Variants in KIFAP3 observed in about 807,000 individuals in gnomAD.
KIFAP3 encodes kinesin associated protein 3.
KIFAP3 carries 68 observed loss-of-function variants against 106.5 expected under a neutral mutation model. The ratio of observed to expected loss-of-function variants is 0.64; its 90% CI spans 0.53 to 0.78. KIFAP3 has a LOEUF of 0.78. Ranked by LOEUF, KIFAP3 falls within the 30% of genes least tolerant of loss-of-function variation. The pLI is 0.00. For missense variants in KIFAP3, 780 were observed against 941.8 expected (o/e 0.83, Z 2.25); for synonymous variants, 320 against 311.5 (o/e 1.03, Z -0.29).
rs146039548 is a variant in KIFAP3, at chr1:170,031,749, G to C, written c.841+137C>G. On this transcript the variant is annotated intron_variant, in intron 8 of 19. Coordinates refer to ENST00000361580, the MANE Select transcript of KIFAP3 (RefSeq NM_014970.4). ...AACATTACCCATGCTAAAGACAGAC[G>C]AACTTGTAGCATATTAACATTTATA... is the stretch of plus-strand genomic sequence containing the variant. 438 of 571,048 alleles carry C rather than the reference G, an allele frequency of 7.7e-4. 6 individuals are homozygous for C. The Admixed American group carries it at 0.011, about 14-fold the overall frequency. The allele number at this position is 571,048 out of a possible 1,614,324, so 35.4% of individuals were successfully genotyped here.
intron 18 of KIFAP3, among the ~76,000 whole-genome samples, chr1:169,959,430 C>T (rs181215472): frequency 6.6e-6 from 1 of 152,144 alleles, no homozygotes; most frequent in Admixed American, 6.6e-5. Flanking sequence ...ATCATATCAT[C>T]AGGCTATAGA....
In KIFAP3 at chr1:170,049,303, A is replaced by C. The variant is rs115078673; in HGVS notation, c.165-2437T>G. 8.1e-3 allele frequency among the ~76,000 whole-genome samples: 1,234 copies of C among 152,320 alleles called. 22 individuals are homozygous for C. The highest frequency in any genetic ancestry group is 0.027 in the African/African-American group (1,130 of 41,564). On this transcript the variant is annotated intron_variant, in intron 2 of 19. Coordinates refer to ENST00000361580, the MANE Select transcript of KIFAP3 (RefSeq NM_014970.4). ...TCCTCACTGGGCAGGGCATCTAAGA[A>C]GGAAATGCAGCAGCCTTAGGGGCTT... is the stretch of plus-strand genomic sequence containing the variant.
chr1:169,928,245 G>A (rs1215774795), intron 19 of KIFAP3, among the ~76,000 whole-genome samples: 1 of 151,882 alleles, frequency 6.6e-6, no homozygotes, highest in Non-Finnish European at 1.5e-5. Context: ...GATTACAGGT[G>A]TGTGCCACCA....
intron 19 of KIFAP3, among the ~76,000 whole-genome samples, chr1:169,929,254 A>G (rs1030818407): frequency 1.3e-5 from 2 of 152,230 alleles, no homozygotes; most frequent in Non-Finnish European, 2.9e-5. Flanking sequence ...TGATTATGAA[A>G]TAATTTACAG....
intron 11 of KIFAP3, among the ~76,000 whole-genome samples, chr1:169,991,810 TAAA>T (rs1302637598): frequency 6.6e-6 from 1 of 152,104 alleles, no homozygotes; most frequent in Non-Finnish European, 1.5e-5. Flanking sequence ...ATTATACAAT[TAAA>T]AATAATTTTT....
chr1:169,951,718 G>A (rs954166253), intron 19 of KIFAP3, among the ~76,000 whole-genome samples: 1 of 151,716 alleles, frequency 6.6e-6, no homozygotes, highest in African/African-American at 2.4e-5. Context: ...AAAATGTTTA[G>A]TTTTTTAAAA....
intron 10 of KIFAP3, among the ~76,000 whole-genome samples, chr1:170,005,639 T>C (rs1667913029): frequency 7.4e-6 from 1 of 135,918 alleles, no homozygotes; most frequent in Admixed American, 8.5e-5. Flanking sequence ...TTCTCACTCA[T>C]AGGTGGGAAT....
chr1:169,943,263 T>A (rs1256156123), intron 19 of KIFAP3, among the ~76,000 whole-genome samples: 1 of 152,112 alleles, frequency 6.6e-6, no homozygotes, highest in Non-Finnish European at 1.5e-5. Context: ...TTTGAAAACC[T>A]GTAGGCCCTA....
At chr1:169,980,227 C>G (rs1442853899) in intron 15 of KIFAP3, among the ~76,000 whole-genome samples, 1 of 151,836 alleles carries the variant, frequency 6.6e-6, no homozygotes, top group East Asian at 1.9e-4. Context: ...TTGAGCTATA[C>G]TTACAATTTA....
At chr1:170,080,896 T>C (rs1672009074) in intron 1 of KIFAP3, among the ~76,000 whole-genome samples, 1 of 152,182 alleles carries the variant, frequency 6.6e-6, no homozygotes, top group Non-Finnish European at 1.5e-5. Flanking sequence ...TTTCATTGGA[T>C]TGAATGAAGT....
Position 170,035,379 on chromosome 1 carries a change from C to T in KIFAP3, c.617+75G>A, listed in dbSNP as rs1571705865. 1.1e-5 allele frequency: 9 copies of T among 852,258 alleles called. No individual in the cohort carries two copies. The East Asian group carries it at 2.6e-4, about 24-fold the overall frequency. 52.8% of individuals were successfully genotyped at this position (852,258 alleles called of 1,614,324 possible). A position where few individuals can be genotyped will look rare whatever the true frequency, so the allele number is the denominator to read the frequency against. Reference sequence around the variant, plus strand: ...AAAAACTGAGAGAACAAGTGATCTACAAATTGAATCAATGACACAGACAAA... The same window carrying T: ...AAAAACTGAGAGAACAAGTGATCTATAAATTGAATCAATGACACAGACAAA... On this transcript the variant is annotated intron_variant, in intron 6 of 19. Transcript: ENST00000361580.
At chr1:170,044,598 C>CA (rs1480697940) in intron 3 of KIFAP3, among the ~76,000 whole-genome samples, 1 of 152,148 alleles carries the variant, frequency 6.6e-6, no homozygotes, top group African/African-American at 2.4e-5. Flanking sequence ...ATGTCAGAAA[C>CA]AGTCTAATTG....
intron 14 of KIFAP3, 64 bp from the exon 15 acceptor site, chr1:169,982,161 T>A: frequency 6.7e-7 from 1 of 1,503,312 alleles, no homozygotes; most frequent in Non-Finnish European, 9.2e-7. Flanking sequence ...ATTTAGAGTA[T>A]CAAAATGTAA....
At chr1:170,004,970 C>T (rs942519892) in intron 10 of KIFAP3, among the ~76,000 whole-genome samples, 5 of 151,982 alleles carry the variant, frequency 3.3e-5, no homozygotes, top group African/African-American at 1.2e-4. Context: ...TGACAAAGGG[C>T]TAATATCCAG....
chr1:170,030,485 A>G (rs1196879217), intron 8 of KIFAP3, among the ~76,000 whole-genome samples: 1 of 151,918 alleles, frequency 6.6e-6, no homozygotes, highest in Non-Finnish European at 1.5e-5. Flanking sequence ...GTATTTAACT[A>G]AGAGAAAAGA....
At chr1:169,929,821 T>A (rs566445555) in intron 19 of KIFAP3, among the ~76,000 whole-genome samples, 1 of 152,272 alleles carries the variant, frequency 6.6e-6, no homozygotes, top group Admixed American at 6.5e-5. Flanking sequence ...AATACTCATC[T>A]GGAGTTTATT....
chr1:170,073,618 C>A (rs1380165190), intron 1 of KIFAP3, among the ~76,000 whole-genome samples: 1 of 152,098 alleles, frequency 6.6e-6, no homozygotes, highest in Non-Finnish European at 1.5e-5. Flanking sequence ...GGAATACATG[C>A]GACTTTTCCA....
At chr1:170,046,598 C>T (rs1430084435) in intron 3 of KIFAP3, 114 bp downstream of exon 3, 2 of 821,600 alleles carry the variant, frequency 2.4e-6, no homozygotes, top group Non-Finnish European at 3.7e-6. Flanking sequence ...GTGAAAAAAA[C>T]CTACCCAACA....
At chr1:170,044,631 T>A (rs1489501241) in intron 3 of KIFAP3, among the ~76,000 whole-genome samples, 1 of 152,064 alleles carries the variant, frequency 6.6e-6, no homozygotes, top group Non-Finnish European at 1.5e-5. Context: ...CCCAGAAGAG[T>A]TCCACAATAA....
Sources: gnomAD v4.1 joint callset for allele counts (sites outside exome capture counted in the v4.1 genomes callset) on GRCh38, gnomAD v4.1.1 for gene constraint, MANE v1.5 for transcripts, NCBI Gene and HGNC (gene_info 2026-07-23, HGNC 2026-07-21) for gene names.